Variants in SUSD6 observed in about 807,000 individuals in gnomAD.
The protein encoded by SUSD6 is sushi domain containing 6, also known as sushi domain-containing protein 6.
SUSD6 carries 16 observed loss-of-function variants against 28.4 expected under a neutral mutation model. The observed-to-expected ratio is 0.56, with a 90% CI of 0.38 to 0.86. The LOEUF (loss-of-function observed/expected upper bound fraction) is 0.86. SUSD6 is among the 40% of genes least tolerant of loss of function. The pLI, the probability that SUSD6 is intolerant of heterozygous loss-of-function variation, is 0.00. For missense variants in SUSD6, 341 were observed against 384.2 expected (o/e 0.89, Z 0.94); for synonymous variants, 147 against 159.6 (o/e 0.92, Z 0.59).
At chr14:69,628,424 A>G (rs1475812247) in intron 1 of SUSD6, among the ~76,000 whole-genome samples, 1 of 152,212 alleles carries the variant, frequency 6.6e-6, no homozygotes, top group African/African-American at 2.4e-5. Context: ...AAAGTGTATG[A>G]CATTTCTGTT....
chr14:69,616,215 A>G (rs1884957806), intron 1 of SUSD6, among the ~76,000 whole-genome samples: 1 of 152,210 alleles, frequency 6.6e-6, no homozygotes, highest in Non-Finnish European at 1.5e-5. Context: ...GATTGGATAC[A>G]AAACCTCAGA....
rs371291347 is a variant in SUSD6 at position 69,702,540 on chromosome 14, A to T, written c.122-855A>T. On this transcript the variant is annotated intron_variant, in intron 2 of 5. Coordinates refer to ENST00000342745, the MANE Select transcript of SUSD6 (RefSeq NM_014734.4). The stretch of plus-strand genomic sequence containing the variant: ...GACCAGTTTCAAGAGGGCAAAGGGG[A>T]GGTAACCTTGACACCCATACCCCTT... Among the ~76,000 whole-genome samples the T allele has an allele frequency of 6.7e-4, 102 of 152,284 alleles. 3 individuals are homozygous for T. The East Asian group carries it at 0.011, about 16-fold the overall frequency.
At chr14:69,629,484 G>A (rs2139596170) in intron 1 of SUSD6, among the ~76,000 whole-genome samples, 1 of 152,314 alleles carries the variant, frequency 6.6e-6, no homozygotes, top group East Asian at 1.9e-4. Context: ...TTGGCCCAAT[G>A]GGAGGGTCTG....
chr14:69,658,682 T>C lies in SUSD6; in HGVS notation c.90T>C (p.Leu30=), dbSNP rs1566597165. ...GHGVFLPLVI[L]CTLLGDGLAS... ...GAGTGTTCCTTCCGCTAGTGATCCTTTGCACCCTGCTTGGAGACGGACTTG... is the reference window on the plus strand; with the variant it reads ...GAGTGTTCCTTCCGCTAGTGATCCTCTGCACCCTGCTTGGAGACGGACTTG... The change falls in exon 2 of 6, where the codon CTT becomes CTC. Residue 30 remains leucine (L), a synonymous_variant. Coordinates refer to ENST00000342745, the MANE Select transcript of SUSD6 (RefSeq NM_014734.4). 6.2e-6 allele frequency: 10 copies of C among 1,613,896 alleles called. No individual in the cohort carries two copies. The highest frequency in any genetic ancestry group is 1.3e-5 in the African/African-American group (1 of 74,900).
chr14:69,699,829 G>T (rs537051253), intron 2 of SUSD6, among the ~76,000 whole-genome samples: 1 of 151,850 alleles, frequency 6.6e-6, no homozygotes. Flanking sequence ...CACAGAGAGG[G>T]GTCCCAGAGA....
chr14:69,704,710 G>T lies in SUSD6; in HGVS notation c.426G>T (p.Leu142=). Residue 142 remains leucine (L), a synonymous_variant, in exon 4 of 6, where the codon CTG becomes CTT. Transcript: ENST00000342745. Reference sequence around the variant, plus strand: ...TCCTCGTGGTGCTGTTTGTGCTGCTGCAGCCAAAGCTGAAGTCTTTCCATC... The same window carrying T: ...TCCTCGTGGTGCTGTTTGTGCTGCTTCAGCCAAAGCTGAAGTCTTTCCATC... ...ILLLVVLFVL[L]QPKLKSFHHS... 1 of 1,614,164 alleles carries T rather than the reference G, an allele frequency of 6.2e-7. No homozygotes were observed. The highest frequency in any genetic ancestry group is 8.5e-7 in the Non-Finnish European group (1 of 1,180,018).
At chr14:69,649,917 T>A (rs1885479199) in intron 1 of SUSD6, among the ~76,000 whole-genome samples, 1 of 152,214 alleles carries the variant, frequency 6.6e-6, no homozygotes, top group South Asian at 2.1e-4. Flanking sequence ...GAATTCCATT[T>A]ATCTGTAAAA....
At position 69,637,167 on chromosome 14, in the gene SUSD6, T is replaced by C. The variant is rs1307748689; in HGVS notation, c.-80-21346T>C. Among the ~76,000 whole-genome samples, 6 of 152,210 alleles carry C rather than the reference T, an allele frequency of 3.9e-5. No individual in the cohort carries two copies. In the East Asian group the frequency reaches 9.7e-4, roughly 25 times the overall value. ...CCTTGGAATGCCCCACCACTCCCTG[T>C]ACCCACCTCTTTCTGCTCTGTCTGG... is the stretch of plus-strand genomic sequence containing the variant. On this transcript the variant is annotated intron_variant, in intron 1 of 5. Transcript: ENST00000342745.
chr14:69,680,639 T>C (rs1191500277), intron 2 of SUSD6, among the ~76,000 whole-genome samples: 1 of 152,230 alleles, frequency 6.6e-6, no homozygotes, highest in Non-Finnish European at 1.5e-5. Flanking sequence ...TGCCAGCTGC[T>C]TCTGTATCCT....
chr14:69,635,299 T>C (rs1187060494), intron 1 of SUSD6, among the ~76,000 whole-genome samples: 1 of 152,228 alleles, frequency 6.6e-6, no homozygotes, highest in Non-Finnish European at 1.5e-5. Flanking sequence ...GTTTTCTTTT[T>C]GGAATAGGGT....
At chr14:69,673,989 T>C (rs1160442278) in intron 2 of SUSD6, among the ~76,000 whole-genome samples, 1 of 152,228 alleles carries the variant, frequency 6.6e-6, no homozygotes, top group Non-Finnish European at 1.5e-5. Flanking sequence ...TTGTTTTTTA[T>C]TTTTTCCGTG....
intron 1 of SUSD6, among the ~76,000 whole-genome samples, chr14:69,614,292 C>G (rs1327127591): frequency 2.6e-5 from 4 of 152,210 alleles, no homozygotes; most frequent in African/African-American, 7.2e-5. Flanking sequence ...GTCTCGAACG[C>G]CTGACCTCAG....
At chr14:69,686,474 G>T (rs543375385) in intron 2 of SUSD6, among the ~76,000 whole-genome samples, 2 of 152,176 alleles carry the variant, frequency 1.3e-5, no homozygotes, top group African/African-American at 4.8e-5. Context: ...TTCTAGAGCC[G>T]TGAGTATACA....
In SUSD6 at chr14:69,711,322, G is replaced by C. The variant is rs1054721689; in HGVS notation, c.*343G>C. On this transcript the variant is annotated 3_prime_UTR_variant, in exon 6 of 6. Transcript: ENST00000342745. ...TTGGCGGCAGCCCCCACCAGCTCCT[G>C]TGGGCCTGAGTGCTGCTGTGTTTAC... 78 of 373,824 alleles carry C rather than the reference G, an allele frequency of 2.1e-4. No individual in the cohort carries two copies. The highest frequency in any genetic ancestry group is 5.0e-5 in the Non-Finnish European group (10 of 200,976). 23.2% of individuals were successfully genotyped at this position (373,824 alleles called of 1,614,324 possible).
chr14:69,620,013 C>A (rs561033141), intron 1 of SUSD6, among the ~76,000 whole-genome samples: 11 of 152,340 alleles, frequency 7.2e-5, no homozygotes, highest in Admixed American at 4.6e-4. Context: ...TACTGGCTTT[C>A]CCCATCCCAG....
chr14:69,675,772 A>G (rs1434337438), intron 2 of SUSD6, among the ~76,000 whole-genome samples: 1 of 151,854 alleles, frequency 6.6e-6, no homozygotes, highest in Non-Finnish European at 1.5e-5. Context: ...CAAATCAAAT[A>G]CTTTTTGTTT....
At chr14:69,709,325 G>A (rs781418233) in intron 5 of SUSD6, among the ~76,000 whole-genome samples, 4 of 152,130 alleles carry the variant, frequency 2.6e-5, no homozygotes, top group Non-Finnish European at 4.4e-5. Context: ...AATTCTGATC[G>A]TTTGGAGTCT....
At chr14:69,675,003 A>G (rs1885886323) in intron 2 of SUSD6, among the ~76,000 whole-genome samples, 1 of 152,178 alleles carries the variant, frequency 6.6e-6, no homozygotes. Flanking sequence ...CCCTCCTGTT[A>G]GCAGTAATTG....
chr14:69,696,184 G>A (rs1032392459), intron 2 of SUSD6, among the ~76,000 whole-genome samples: 15 of 152,314 alleles, frequency 9.8e-5, no homozygotes, highest in African/African-American at 3.6e-4. Flanking sequence ...CAGCTTAGAA[G>A]CCAGAGTTCC....
Sources: gnomAD v4.1 joint callset for allele counts (sites outside exome capture counted in the v4.1 genomes callset) on GRCh38, gnomAD v4.1.1 for gene constraint, MANE v1.5 for transcripts, NCBI Gene and HGNC (gene_info 2026-07-23, HGNC 2026-07-21) for gene names.